DAB1: variants seen among roughly 807,000 people sequenced by gnomAD.
The protein encoded by DAB1 is disabled homolog 1.
Under a neutral mutation model 64.6 loss-of-function variants are expected in DAB1, and 15 were observed. The ratio of observed to expected loss-of-function variants is 0.23; its 90% confidence interval spans 0.16 to 0.36. The LOEUF is 0.36. Among genes scored for constraint, DAB1 ranks in the 10% least tolerant of loss-of-function variants. The pLI, the probability that DAB1 is intolerant of heterozygous loss-of-function variation, is 1.00. For missense variants in DAB1, 596 were observed against 706.7 expected, an observed-to-expected ratio of 0.84 and a Z score of 1.78; for synonymous variants, 235 against 251.9, an observed-to-expected ratio of 0.93 and a Z score of 0.64.
At chr1:57,176,638 A>G (rs1023578028) in intron 2 of DAB1, among the ~76,000 whole-genome samples, 2 of 152,286 alleles carry the variant, frequency 1.3e-5, no homozygotes, top group Admixed American at 6.5e-5. Context: ...CATGATATGT[A>G]AAATCTGTAT....
At chr1:57,070,886 A>T in intron 7 of DAB1, 137 bp downstream of exon 7, 1 of 778,600 alleles carries the variant, frequency 1.3e-6, no homozygotes, top group Non-Finnish European at 2.2e-6. Flanking sequence ...AGGGGCTGGC[A>T]GCCCTCACCC....
chr1:58,327,861 A>C (rs1662871787), intron 4 of DAB1, among the ~76,000 whole-genome samples: 1 of 152,172 alleles, frequency 6.6e-6, no homozygotes, highest in Admixed American at 6.5e-5. Context: ...TCATATTAGT[A>C]AGCAGTCCAC....
intron 7 of DAB1, among the ~76,000 whole-genome samples, chr1:57,634,642 C>A (rs1316300412): frequency 6.6e-6 from 1 of 152,186 alleles, no homozygotes; most frequent in Non-Finnish European, 1.5e-5. Flanking sequence ...AAAGAAACTT[C>A]ATTCATTCAA....
intron 3 of DAB1, among the ~76,000 whole-genome samples, chr1:58,388,792 A>G (rs1557746836): frequency 6.6e-6 from 1 of 152,238 alleles, no homozygotes; most frequent in Non-Finnish European, 1.5e-5. Flanking sequence ...CCTCGGAGTC[A>G]TTAAAGAATG....
chr1:57,966,796 T>C (rs1404626009), intron 5 of DAB1, among the ~76,000 whole-genome samples: 2 of 152,160 alleles, frequency 1.3e-5, no homozygotes, highest in Non-Finnish European at 2.9e-5. Context: ...GAAGAGTACA[T>C]ATACCAAGAA....
chr1:57,071,029 C>T lies in DAB1; in HGVS notation c.591G>A (p.Val197=), dbSNP rs1273867119. Residue 197 remains valine, a synonymous_variant, in exon 7 of 15, where the codon GTG becomes GTA. Transcript: ENST00000371236. ...GACTAGTTTCAGAAATTACCTGGTA[C>T]ACAGGATCTTCAACATCCTCTTCCA... ...TILEEDVEDP[V]YQYIVFEAGH... 1.9e-6 allele frequency: 3 copies of T among 1,612,862 alleles called. No individual in the cohort carries two copies. The highest frequency in any genetic ancestry group is 1.7e-5 in the Admixed American group (1 of 59,988).
chr1:57,390,632 G>A (rs1314828140), intron 1 of DAB1, among the ~76,000 whole-genome samples: 2 of 152,106 alleles, frequency 1.3e-5, no homozygotes, highest in African/African-American at 4.8e-5. Flanking sequence ...TTCTTTCAAA[G>A]CTTCCCTTCA....
intron 1 of DAB1, among the ~76,000 whole-genome samples, chr1:57,327,499 A>G (rs567389139): frequency 3.9e-5 from 6 of 152,066 alleles, no homozygotes; most frequent in Non-Finnish European, 8.8e-5. Flanking sequence ...AATCCTCCGG[A>G]CGGCAGATGG....
At chr1:57,992,279 G>C (rs1048955669) in intron 5 of DAB1, among the ~76,000 whole-genome samples, 1 of 152,206 alleles carries the variant, frequency 6.6e-6, no homozygotes, top group Admixed American at 6.5e-5. Flanking sequence ...AAGGGTGCCA[G>C]AAAACCTTTA....
At chr1:57,001,098 C>T (rs963552563) in intron 14 of DAB1, among the ~76,000 whole-genome samples, 7 of 152,170 alleles carry the variant, frequency 4.6e-5, no homozygotes, top group Admixed American at 3.3e-4. Flanking sequence ...ATGCATTATA[C>T]GTTTTGGCAA....
chr1:57,741,937 T>C (rs972487981), intron 6 of DAB1, among the ~76,000 whole-genome samples: 1 of 152,200 alleles, frequency 6.6e-6, no homozygotes, highest in South Asian at 2.1e-4. Flanking sequence ...AAACTTTCCC[T>C]TGTTACAGTT....
At chr1:57,608,538 A>C (rs1570670650) in intron 7 of DAB1, among the ~76,000 whole-genome samples, 1 of 152,208 alleles carries the variant, frequency 6.6e-6, no homozygotes, top group East Asian at 1.9e-4. Flanking sequence ...ACTTATCAAT[A>C]GACTTGAGTT....
intron 3 of DAB1, among the ~76,000 whole-genome samples, chr1:58,470,004 T>A (rs1177357761): frequency 6.6e-6 from 1 of 151,930 alleles, no homozygotes; most frequent in Non-Finnish European, 1.5e-5. Flanking sequence ...TGTACAATCA[T>A]CTCATTTACT....
intron 5 of DAB1, among the ~76,000 whole-genome samples, chr1:58,038,725 T>C (rs748378782): frequency 2.6e-5 from 4 of 152,110 alleles, no homozygotes; most frequent in Non-Finnish European, 5.9e-5. Flanking sequence ...ATCTTCAGGG[T>C]AGTGCAAGGT....
rs913407038 is a variant in DAB1, at chr1:57,115,929, C to T, written c.306+20614G>A. Among the ~76,000 whole-genome samples the T allele has an allele frequency of 6.1e-4, 93 of 152,122 alleles. 1 individual carries two copies. Among genetic ancestry groups the T allele is most frequent in the African/African-American group, 2.1e-3 (85 of 41,426 alleles). On this transcript the variant is annotated intron_variant, in intron 4 of 14. Coordinates refer to ENST00000371236, the MANE Select transcript of DAB1 (RefSeq NM_001365792.1). ...AACAAATGATGTAACCACATCAGGC[C>T]ATGGGGAAAGTTGTTCAGCAAGTAG...
chr1:58,313,856 T>A (rs3055507), intron 4 of DAB1, among the ~76,000 whole-genome samples: 3,352 of 111,914 alleles, frequency 0.03, 54 homozygotes, highest in Admixed American at 0.06. Context: ...TGTGTGTGTG[T>A]GAGAGAGAGA....
intron 6 of DAB1, among the ~76,000 whole-genome samples, chr1:57,816,968 A>G (rs560663931): frequency 3.9e-5 from 6 of 152,190 alleles, no homozygotes; most frequent in African/African-American, 1.4e-4. Flanking sequence ...TCTGTTCCTT[A>G]TCCCTCAAGA....
Position 57,817,176 on chromosome 1 carries a change from G to T in DAB1, n.551+66823C>A, listed in dbSNP as rs534291208. Among the ~76,000 whole-genome samples the T allele has an allele frequency of 3.3e-5, 5 of 152,248 alleles. No homozygotes were observed. In the South Asian group the frequency reaches 1.0e-3, roughly 32 times the overall value. ...CATAATATATATTAAACAAATATTAGTTATTACGATTATTATATTTATCAT... is the reference window on the plus strand; with the variant it reads ...CATAATATATATTAAACAAATATTATTTATTACGATTATTATATTTATCAT... On this transcript the variant is annotated intron_variant and non_coding_transcript_variant, in intron 6 of 20. Coordinates refer to the DAB1 transcript ENST00000485760.
intron 5 of DAB1, among the ~76,000 whole-genome samples, chr1:57,901,098 C>G (rs1644466851): frequency 6.6e-6 from 1 of 152,090 alleles, no homozygotes; most frequent in Non-Finnish European, 1.5e-5. Flanking sequence ...AAGAGGAAAA[C>G]AAAGGCTTAC....
Sources: allele counts gnomAD v4.1 joint callset (sites outside exome capture counted in the v4.1 genomes callset), GRCh38; gene constraint gnomAD v4.1.1; transcripts MANE v1.5; gene names NCBI Gene and HGNC (gene_info 2026-07-23, HGNC 2026-07-21).